The following C11orf16 variants were observed in gnomAD, a reference collection of about 807,000 sequenced individuals.
C11orf16 encodes the protein chromosome 11 open reading frame 16.
C11orf16 carries 38 observed loss-of-function variants against 45.1 expected under a neutral mutation model. The ratio of observed to expected loss-of-function variants is 0.84; its 90% confidence interval spans 0.65 to 1.10. C11orf16 has a LOEUF of 1.10. Ranked by LOEUF, C11orf16 falls within the 50% of genes least tolerant of loss-of-function variation. The pLI, the probability that C11orf16 is intolerant of heterozygous loss-of-function variation, is 0.00. For synonymous variants in C11orf16, 221 were observed against 222.0 expected, an observed-to-expected ratio of 1.00 and a Z score of 0.04; for missense variants, 583 against 569.5, an observed-to-expected ratio of 1.02 and a Z score of -0.24.
At chr11:8,923,666 G>C (rs1337404986) in intron 5 of C11orf16, among the ~76,000 whole-genome samples, 1 of 151,706 alleles carries the variant, frequency 6.6e-6, no homozygotes. Context: ...GTGTCGCCCA[G>C]GCTGGAGTGT....
intron 6 of C11orf16, among the ~76,000 whole-genome samples, chr11:8,920,675 G>C (rs763533266): frequency 2.6e-5 from 4 of 152,148 alleles, no homozygotes; most frequent in Non-Finnish European, 5.9e-5. Context: ...AAAAAATTTA[G>C]TCAGGTGTGG....
In C11orf16 at chr11:8,925,650, G is replaced by A. The variant is rs1482157340; in HGVS notation, c.1017C>T (p.Ser339=). Reference sequence around the variant, plus strand: ...CCACACCGTCTTGTTCACAGGAGGAGGATGAGGAGGAAGAAACAGCCAGGG... The same window carrying A: ...CCACACCGTCTTGTTCACAGGAGGAAGATGAGGAGGAAGAAACAGCCAGGG... ...HAPLAVSSSS[S]SSCEQDGVEN... is the part of the protein sequence containing the mutation. Residue 339 remains serine (S), a synonymous_variant, in exon 5 of 7, where the codon TCC becomes TCT. Transcript: ENST00000326053. 1 of 1,614,112 alleles carries A rather than the reference G, an allele frequency of 6.2e-7. No homozygotes were observed. Among genetic ancestry groups the A allele is most frequent in the Non-Finnish European group, 8.5e-7 (1 of 1,180,026 alleles).
At chr11:8,931,018 C>T (rs1244221951) in intron 2 of C11orf16, among the ~76,000 whole-genome samples, 1 of 152,160 alleles carries the variant, frequency 6.6e-6, no homozygotes, top group Non-Finnish European at 1.5e-5. Flanking sequence ...ATGCGAGTCC[C>T]TGGAGATGAC....
chr11:8,927,878 T>C (rs779161861), intron 3 of C11orf16, among the ~76,000 whole-genome samples: 1 of 152,236 alleles, frequency 6.6e-6, no homozygotes, highest in Non-Finnish European at 1.5e-5. Flanking sequence ...AGAATTTCAT[T>C]TTAATTCACA....
intron 5 of C11orf16, among the ~76,000 whole-genome samples, chr11:8,922,185 A>G (rs1359004008): frequency 6.6e-6 from 1 of 152,152 alleles, no homozygotes; most frequent in Non-Finnish European, 1.5e-5. Flanking sequence ...GACCACAAAG[A>G]AGAGATTACA....
chr11:8,931,054 G>A (rs1271711603), intron 2 of C11orf16, among the ~76,000 whole-genome samples: 1 of 152,168 alleles, frequency 6.6e-6, no homozygotes, highest in Non-Finnish European at 1.5e-5. Flanking sequence ...ATATAGGGCT[G>A]TGGTGCCTTT....
chr11:8,925,188 C>T (rs2064601278), intron 5 of C11orf16, among the ~76,000 whole-genome samples: 1 of 152,202 alleles, frequency 6.6e-6, no homozygotes, highest in South Asian at 2.1e-4. Flanking sequence ...TCAGTAGAGA[C>T]TAGTGAAGAA....
intron 5 of C11orf16, among the ~76,000 whole-genome samples, chr11:8,923,210 A>G (rs1352976117): frequency 3.3e-5 from 5 of 152,244 alleles, no homozygotes; most frequent in Non-Finnish European, 7.3e-5. Context: ...ACTTAGGGCC[A>G]GGGGAAATTT....
Position 8,927,030 on chromosome 11 carries a change from C to T in C11orf16, c.469G>A (p.Asp157Asn), listed in dbSNP as rs372259315. 6.2e-7 allele frequency: 1 copy of T among 1,614,100 alleles called. No homozygotes were observed. Among genetic ancestry groups the T allele is most frequent in the Non-Finnish European group, 8.5e-7 (1 of 1,180,016 alleles). Residue 157 changes from aspartate to asparagine, a missense_variant, in exon 4 of 7, where the codon GAT (aspartate) becomes AAT (asparagine). Physicochemically the swap from Asp to Asn is conservative, Grantham distance 23. Coordinates refer to ENST00000326053, the MANE Select transcript of C11orf16 (RefSeq NM_020643.3). Reference protein sequence around the residue: ...PSVGYSLRPGDKVLALWEPGQ... With the variant: ...PSVGYSLRPGNKVLALWEPGQ... ...GGCTCCCAGAGTGCCAGCACCTTAT[C>T]CCCTGGTCTCAGTGAGTATCCTACA...
At chr11:8,932,028 C>G (rs1405261532) in intron 2 of C11orf16, 114 bp downstream of exon 2, 22 of 1,165,998 alleles carry the variant, frequency 1.9e-5, no homozygotes, top group Admixed American at 2.9e-5. Context: ...CAATGACGAC[C>G]CCTTTCCACC....
chr11:8,922,117 T>G (rs2064579506), intron 5 of C11orf16, among the ~76,000 whole-genome samples: 1 of 152,202 alleles, frequency 6.6e-6, no homozygotes, highest in South Asian at 2.1e-4. Flanking sequence ...CAAGCAAAGG[T>G]AACTGACTGC....
At chr11:8,923,413 C>T (rs146964268) in intron 5 of C11orf16, among the ~76,000 whole-genome samples, 2 of 152,302 alleles carry the variant, frequency 1.3e-5, no homozygotes, top group African/African-American at 4.8e-5. Flanking sequence ...AGGTACAGCT[C>T]TTCTTTCTCC....
chr11:8,924,157 G>C (rs1156768794), intron 5 of C11orf16, among the ~76,000 whole-genome samples: 1 of 152,082 alleles, frequency 6.6e-6, no homozygotes, highest in African/African-American at 2.4e-5. Context: ...CACCAGGAAA[G>C]CTTCTCATTA....
Position 8,925,989 on chromosome 11 carries a change from G to A in C11orf16, c.678C>T (p.His226=). The A allele has an allele frequency of 6.2e-7, 1 of 1,614,110 alleles. No homozygotes were observed. The highest frequency in any genetic ancestry group is 2.2e-5 in the East Asian group (1 of 44,866). The change falls in exon 5 of 7, where the codon CAC becomes CAT. Residue 226 remains histidine (H), a synonymous_variant. Coordinates refer to ENST00000326053, the MANE Select transcript of C11orf16 (RefSeq NM_020643.3). ...TGGGGTGCTCCCTGGTGAAAGACTT[G>A]TGCAGCCTCTCCACAGCCTTCTTCC... ...TIWKKAVERL[H]KSFTREHPRP...
intron 2 of C11orf16, among the ~76,000 whole-genome samples, chr11:8,931,457 C>T (rs1589936143): frequency 2.0e-5 from 3 of 152,182 alleles, no homozygotes; most frequent in Admixed American, 6.5e-5. Flanking sequence ...GGTGCGATCT[C>T]GGCTCACTGC....
chr11:8,927,563 G>T, intron 3 of C11orf16: 1 of 457,204 alleles, frequency 2.2e-6, no homozygotes, highest in Non-Finnish European at 4.4e-6. Flanking sequence ...CCCAAGAAGC[G>T]TCGCTCCTGT....
At chr11:8,920,543 C>A in intron 6 of C11orf16, 93 bp from the exon 7 acceptor site, 1 of 596,678 alleles carries the variant, frequency 1.7e-6, no homozygotes, top group East Asian at 3.1e-5. Context: ...TGATTGTGGC[C>A]GAGTGCGGTG....
rs75188962 is a variant in C11orf16, at chr11:8,920,120, C to T, written c.*353G>A. ...TTAAGAGGTGAAACAAAATGTCACTCATGTACAACTAGGCTTTATGGGAAG... is the reference window on the plus strand; with the variant it reads ...TTAAGAGGTGAAACAAAATGTCACTTATGTACAACTAGGCTTTATGGGAAG... On this transcript the variant is annotated 3_prime_UTR_variant, in exon 7 of 7. Coordinates refer to ENST00000326053, the MANE Select transcript of C11orf16 (RefSeq NM_020643.3). The T allele has an allele frequency of 0.017, 5,327 of 309,908 alleles. 253 individuals carry two copies. The highest frequency in any genetic ancestry group is 0.1 in the African/African-American group (4,884 of 47,020). 19.2% of individuals were successfully genotyped at this position (309,908 alleles called of 1,614,324 possible). A position where few individuals can be genotyped will look rare whatever the true frequency, so the allele number is the denominator to read the frequency against.
At chr11:8,926,307 T>C (rs2064613098) in intron 4 of C11orf16, among the ~76,000 whole-genome samples, 200 bp from the exon 5 acceptor site, 1 of 150,056 alleles carries the variant, frequency 6.7e-6, no homozygotes, top group African/African-American at 2.4e-5. Context: ...GCCTCCGAAG[T>C]AGCTTCCACG....
Sources: allele counts gnomAD v4.1 joint callset (sites outside exome capture counted in the v4.1 genomes callset), GRCh38; gene constraint gnomAD v4.1.1; transcripts MANE v1.5; gene names NCBI Gene and HGNC (gene_info 2026-07-23, HGNC 2026-07-21).